Variants in ANAPC4 observed in about 807,000 individuals in gnomAD.
ANAPC4 encodes anaphase-promoting complex subunit 4.
A neutral mutation model predicts 119.8 loss-of-function variants in ANAPC4; 63 were observed. The observed-to-expected ratio is 0.53, with a 90% CI of 0.43 to 0.65. The LOEUF is 0.65. Among genes scored for constraint, ANAPC4 ranks in the 30% least tolerant of loss-of-function variants. The pLI, the probability that ANAPC4 is intolerant of heterozygous loss-of-function variation, is 0.00. For missense variants in ANAPC4, 716 were observed against 945.1 expected (o/e 0.76, Z 3.18); for synonymous variants, 283 against 318.6 (o/e 0.89, Z 1.19).
chr4:25,384,624 G>A (rs1162133416), intron 4 of ANAPC4, among the ~76,000 whole-genome samples: 4 of 152,028 alleles, frequency 2.6e-5, no homozygotes, highest in East Asian at 1.9e-4. Context: ...AGTTCAAGAC[G>A]AGCCTGGGCA....
At chr4:25,407,971 A>G (rs192150883) in intron 20 of ANAPC4, among the ~76,000 whole-genome samples, 25 of 152,372 alleles carry the variant, frequency 1.6e-4, no homozygotes, top group African/African-American at 6.0e-4. Context: ...AGTGAAAAAT[A>G]ATGAAATTTT....
intron 2 of ANAPC4, among the ~76,000 whole-genome samples, chr4:25,378,603 C>T (rs1481140706): frequency 6.6e-6 from 1 of 152,206 alleles, no homozygotes; most frequent in African/African-American, 2.4e-5. Flanking sequence ...GGCACTGTTA[C>T]ATCCATTTTC....
intron 3 of ANAPC4, chr4:25,380,732 A>T (rs992070841): frequency 3.2e-6 from 1 of 315,444 alleles, no homozygotes; most frequent in Non-Finnish European, 5.8e-6. Context: ...GTGAAATCTG[A>T]TGGAATATAC....
intron 26 of ANAPC4, 45 bp from the exon 27 acceptor site, chr4:25,416,377 CAGT>C (rs1723875714): frequency 1.5e-6 from 2 of 1,302,066 alleles, no homozygotes; most frequent in East Asian, 2.6e-5. Context: ...AATATTTTCT[CAGT>C]AGTCACGATC....
chr4:25,391,090 C>T, intron 9 of ANAPC4, 75 bp downstream of exon 9: 3 of 1,109,366 alleles, frequency 2.7e-6, no homozygotes, highest in Non-Finnish European at 2.7e-6. Context: ...TTATCCACAT[C>T]TCACTGTATT....
intron 16 of ANAPC4, among the ~76,000 whole-genome samples, chr4:25,399,207 T>C (rs1722818637): frequency 6.6e-6 from 1 of 152,186 alleles, no homozygotes; most frequent in Non-Finnish European, 1.5e-5. Context: ...TTTTCTTACA[T>C]AACCACAGTA....
intron 2 of ANAPC4, 60 bp from the exon 3 acceptor site, chr4:25,380,314 T>A: frequency 7.2e-7 from 1 of 1,387,876 alleles, no homozygotes. Context: ...GGGATCTAGG[T>A]TTATTTTATT....
intron 26 of ANAPC4, 31 bp downstream of exon 26, chr4:25,415,571 T>G: frequency 6.4e-7 from 1 of 1,565,972 alleles, no homozygotes; most frequent in Non-Finnish European, 8.8e-7. Flanking sequence ...GGATGAAATG[T>G]AGATACATGT....
intron 20 of ANAPC4, among the ~76,000 whole-genome samples, chr4:25,408,392 C>T (rs1415749954): frequency 6.6e-6 from 1 of 152,048 alleles, no homozygotes; most frequent in African/African-American, 2.4e-5. Context: ...TATTGGTTCC[C>T]TGAGTCATCC....
At chr4:25,386,011 C>T (rs183328016) in intron 4 of ANAPC4, among the ~76,000 whole-genome samples, 2 of 152,028 alleles carry the variant, frequency 1.3e-5, no homozygotes, top group African/African-American at 4.8e-5. Flanking sequence ...GCTCACCTCC[C>T]AGGTTGATTC....
chr4:25,380,711 A>T (rs1169325304), intron 3 of ANAPC4: 1 of 355,484 alleles, frequency 2.8e-6, no homozygotes, highest in African/African-American at 2.1e-5. Flanking sequence ...CTTGGCAAAG[A>T]TAACTCCGAA....
At chr4:25,396,965 C>G in intron 16 of ANAPC4, 66 bp downstream of exon 16, 2 of 1,435,440 alleles carry the variant, frequency 1.4e-6, no homozygotes, top group South Asian at 1.3e-5. Flanking sequence ...AAATAAGAAC[C>G]TAGTAAGCTG....
intron 4 of ANAPC4, among the ~76,000 whole-genome samples, chr4:25,387,728 G>A (rs1011072259): frequency 6.6e-6 from 1 of 152,182 alleles, no homozygotes; most frequent in African/African-American, 2.4e-5. Context: ...TTTGGAGTTA[G>A]AATTGAGAAG....
intron 11 of ANAPC4, 117 bp from the exon 12 acceptor site, chr4:25,394,193 A>T: frequency 1.2e-6 from 1 of 846,044 alleles, no homozygotes; most frequent in Non-Finnish European, 1.8e-6. Flanking sequence ...TGATCACTTT[A>T]TGGATTTGAT....
chr4:25,377,380 G>C, intron 1 of ANAPC4, 36 bp downstream of exon 1: 1 of 1,607,210 alleles, frequency 6.2e-7, no homozygotes, highest in Non-Finnish European at 8.5e-7. Context: ...TGGAGAGCCG[G>C]GGGCTCCTGC....
At chr4:25,387,821 T>A (rs1430349177) in intron 4 of ANAPC4, among the ~76,000 whole-genome samples, 3 of 152,160 alleles carry the variant, frequency 2.0e-5, no homozygotes, top group East Asian at 1.9e-4. Flanking sequence ...CAAGTGTGTA[T>A]AAGTCATAGA....
At chr4:25,387,038 C>CT (rs568308400) in intron 4 of ANAPC4, among the ~76,000 whole-genome samples, 163 of 151,944 alleles carry the variant, frequency 1.1e-3, no homozygotes, top group Middle Eastern at 0.01. Flanking sequence ...TCATCTGGAA[C>CT]TTTTTTTTGT....
At position 25,377,327 on chromosome 4, in the gene ANAPC4, C is replaced by A. The variant is rs906094975; in HGVS notation, c.-28C>A. 1 of 1,497,462 alleles carries A rather than the reference C, an allele frequency of 6.7e-7. No individual in the cohort carries two copies. Among genetic ancestry groups the A allele is most frequent in the Non-Finnish European group, 9.0e-7 (1 of 1,112,418 alleles). The allele number at this position is 1,497,462 out of a possible 1,614,324, so 92.8% of individuals were successfully genotyped here. ...GGCCACTGGGGCCGTGTTAGTCTGC[C>A]GGTGGGGACTCTTGCAGGTACAGGC... On this transcript the variant is annotated 5_prime_UTR_variant, in exon 1 of 29. Transcript: ENST00000315368.
chr4:25,401,623 C>T (rs1012504422), intron 16 of ANAPC4, among the ~76,000 whole-genome samples: 9 of 152,258 alleles, frequency 5.9e-5, no homozygotes, highest in Admixed American at 2.6e-4. Flanking sequence ...TCTCCGTGCA[C>T]TGCGTGGCAC....
Sources: allele counts gnomAD v4.1 joint callset (sites outside exome capture counted in the v4.1 genomes callset), GRCh38; gene constraint gnomAD v4.1.1; transcripts MANE v1.5; gene names NCBI Gene and HGNC (gene_info 2026-07-23, HGNC 2026-07-21).